Variants in CACNA1A observed in about 807,000 individuals in gnomAD.
CACNA1A encodes the protein voltage-dependent P/Q-type calcium channel subunit alpha-1A.
Under a neutral mutation model 262.4 loss-of-function variants are expected in CACNA1A, and 57 were observed. The ratio of observed to expected loss-of-function variants is 0.22; its 90% CI spans 0.18 to 0.27. CACNA1A has a LOEUF of 0.27. CACNA1A is among the 10% of genes least tolerant of loss of function. CACNA1A has a pLI of 1.00. For synonymous variants in CACNA1A, 1,431 were observed against 1,419.3 expected (o/e 1.01, Z -0.18); for missense variants, 2,526 against 3,562.8 (o/e 0.71, Z 7.41).
chr19:13,238,067 C>T (rs1395200713), intron 31 of CACNA1A, among the ~76,000 whole-genome samples: 2 of 152,078 alleles, frequency 1.3e-5, no homozygotes, highest in African/African-American at 4.8e-5. Context: ...GGAGGAGACA[C>T]ATGAGGCAGG....
At chr19:13,252,067 CTG>C (rs1439571011) in intron 30 of CACNA1A, among the ~76,000 whole-genome samples, 1 of 150,438 alleles carries the variant, frequency 6.6e-6, no homozygotes, top group East Asian at 2.0e-4. Flanking sequence ...TGCCTGACCT[CTG>C]TGTTTGTTTT....
chr19:13,345,735 G>A (rs1464612290), intron 6 of CACNA1A, among the ~76,000 whole-genome samples: 1 of 152,106 alleles, frequency 6.6e-6, no homozygotes, highest in Non-Finnish European at 1.5e-5. Context: ...AAAAGCTGAA[G>A]TCTGACAGTG....
At chr19:13,368,079 C>T (rs1306238439) in intron 4 of CACNA1A, among the ~76,000 whole-genome samples, 1 of 152,132 alleles carries the variant, frequency 6.6e-6, no homozygotes. Context: ...CTTTGGGAGG[C>T]TGAGGCGGGT....
chr19:13,485,787 A>G (rs1979899607), intron 1 of CACNA1A, among the ~76,000 whole-genome samples: 1 of 152,220 alleles, frequency 6.6e-6, no homozygotes, highest in Admixed American at 6.5e-5. Flanking sequence ...TAGCACAAGC[A>G]CTTTGGAAAA....
chr19:13,442,217 A>C lies in CACNA1A; in HGVS notation c.539+10659T>G, dbSNP rs138792716. Among the ~76,000 whole-genome samples the C allele has an allele frequency of 3.3e-5, 5 of 152,294 alleles. No individual in the cohort carries two copies. In the East Asian group the frequency reaches 9.7e-4, roughly 29 times the overall value. On this transcript the variant is annotated intron_variant, in intron 3 of 46. Transcript: ENST00000360228. ...CAAGTGAGGAATGAGGAAGAGAGAG[A>C]TTGGTAAAGGGTACACTAGTGAATG...
chr19:13,257,462 T>C lies in CACNA1A; in HGVS notation c.4478A>G (p.Tyr1493Cys), dbSNP rs2056601163. 6.2e-7 allele frequency: 1 copy of C among 1,613,582 alleles called. No individual in the cohort carries two copies. Among genetic ancestry groups the C allele is most frequent in the Non-Finnish European group, 8.5e-7 (1 of 1,179,690 alleles). The change falls in exon 28 of 47, where the codon TAC (tyrosine) becomes TGC (cysteine). Residue 1493 changes from tyrosine to cysteine, a missense_variant. Tyr to Cys is a radical substitution (Grantham distance 194). Around this residue, in one of 17 missense-constraint regions of CACNA1A, gnomAD observed 137 missense variants for 377.7 expected, o/e 0.36. Coordinates refer to ENST00000360228, the MANE Select transcript of CACNA1A (RefSeq NM_001127222.2). ...RMEMSIFYVV[Y>C]FVVFPFFFVN... Reference sequence around the variant, plus strand: ...AAAGAAGAAGGGGAACACCACAAAGTAGACGACGTAGAAAATGGACATCTC... The same window carrying C: ...AAAGAAGAAGGGGAACACCACAAAGCAGACGACGTAGAAAATGGACATCTC...
At chr19:13,473,486 G>A (rs1047539557) in intron 1 of CACNA1A, among the ~76,000 whole-genome samples, 1 of 152,190 alleles carries the variant, frequency 6.6e-6, no homozygotes, top group African/African-American at 2.4e-5. Context: ...CTTCAGAACT[G>A]GGTGACAATA....
chr19:13,422,193 C>T (rs2144788019), intron 3 of CACNA1A, among the ~76,000 whole-genome samples: 1 of 152,216 alleles, frequency 6.6e-6, no homozygotes, highest in African/African-American at 2.4e-5. Context: ...TAATGGCATG[C>T]ACCTGTGGGC....
At chr19:13,455,481 T>C (rs2060989676) in intron 1 of CACNA1A, among the ~76,000 whole-genome samples, 1 of 152,170 alleles carries the variant, frequency 6.6e-6, no homozygotes, top group Non-Finnish European at 1.5e-5. Context: ...ACCTGCTGTG[T>C]GCCAGACTCT....
intron 1 of CACNA1A, among the ~76,000 whole-genome samples, chr19:13,469,688 T>C (rs948228691): frequency 1.3e-5 from 2 of 150,396 alleles, no homozygotes; most frequent in Non-Finnish European, 3.0e-5. Flanking sequence ...CTCGATCGCC[T>C]GACCTTGTGA....
intron 3 of CACNA1A, among the ~76,000 whole-genome samples, chr19:13,416,769 C>T (rs567539514): frequency 7.2e-5 from 11 of 152,132 alleles, no homozygotes; most frequent in African/African-American, 1.2e-4. Flanking sequence ...GAGCTGAGAT[C>T]GCGCCACTGC....
intron 45 of CACNA1A, 114 bp from the exon 46 acceptor site, chr19:13,209,123 C>A (rs1178621808): frequency 1.4e-6 from 2 of 1,450,020 alleles, no homozygotes; most frequent in South Asian, 1.3e-5. Context: ...TCCCCTGAAC[C>A]GAGGCAGGTC....
intron 45 of CACNA1A, 131 bp from the exon 46 acceptor site, chr19:13,209,140 T>G: frequency 7.2e-7 from 1 of 1,393,500 alleles, no homozygotes; most frequent in Non-Finnish European, 9.7e-7. Context: ...GGTCAGTGGG[T>G]TGGGGGGAGG....
intron 1 of CACNA1A, among the ~76,000 whole-genome samples, chr19:13,466,634 C>T (rs1174497757): frequency 1.3e-5 from 2 of 151,162 alleles, no homozygotes; most frequent in African/African-American, 4.9e-5. Flanking sequence ...AGCCACCATG[C>T]CCATCCGAGA....
rs753193795 is a variant in CACNA1A at position 13,286,737 on chromosome 19, G to A, written c.3319C>T (p.Leu1107=). Reference sequence around the variant, plus strand: ...TTGGTGGCCATGGCAGGGATGGCCAGCATGGGGCCGGGGTCGGTGCTGTTT... The same window carrying A: ...TTGGTGGCCATGGCAGGGATGGCCAACATGGGGCCGGGGTCGGTGCTGTTT... ...MGNSTDPGPM[L]AIPAMATNPQ... The change falls in exon 20 of 47, where the codon CTG becomes TTG. Residue 1107 remains leucine, a synonymous_variant. Coordinates refer to ENST00000360228, the MANE Select transcript of CACNA1A (RefSeq NM_001127222.2). The A allele has an allele frequency of 1.2e-6, 2 of 1,602,710 alleles. No homozygotes were observed. Among genetic ancestry groups the A allele is most frequent in the Admixed American group, 3.4e-5 (2 of 59,406 alleles).
chr19:13,459,932 G>A (rs547272185), intron 1 of CACNA1A, among the ~76,000 whole-genome samples: 2 of 152,216 alleles, frequency 1.3e-5, no homozygotes, highest in African/African-American at 2.4e-5. Flanking sequence ...GGGCTCTCTG[G>A]GTATGGCAAT....
intron 1 of CACNA1A, among the ~76,000 whole-genome samples, chr19:13,496,200 C>T (rs909410895): frequency 1.3e-5 from 2 of 152,214 alleles, no homozygotes; most frequent in Non-Finnish European, 2.9e-5. Flanking sequence ...AAACAGGCCA[C>T]AAGTCAAAAA....
At position 13,230,093 on chromosome 19, in the gene CACNA1A, G is replaced by A. The variant is rs372083869; in HGVS notation, c.5517C>T (p.Asp1839=). The A allele has an allele frequency of 6.2e-7, 1 of 1,613,640 alleles. No homozygotes were observed. Among genetic ancestry groups the A allele is most frequent in the South Asian group, 1.1e-5 (1 of 91,058 alleles). The stretch of plus-strand genomic sequence containing the variant: ...GGGTGACTTCTTACCAAGCTGCGGG[G>A]TCATACTCGGCCCAGACACGCACGT... ...DEYVRVWAEY[D]PAAWGRMPYL... is the part of the protein sequence containing the mutation. Residue 1839 remains aspartate, a synonymous_variant, in exon 36 of 47, where the codon GAC becomes GAT. Coordinates refer to ENST00000360228, the MANE Select transcript of CACNA1A (RefSeq NM_001127222.2).
chr19:13,469,652 G>C (rs1339592753), intron 1 of CACNA1A, among the ~76,000 whole-genome samples: 1 of 148,392 alleles, frequency 6.7e-6, no homozygotes, highest in Non-Finnish European at 1.5e-5. Context: ...GTAGAGACAG[G>C]GTTTCACCGT....
Sources: allele counts gnomAD v4.1 joint callset (sites outside exome capture counted in the v4.1 genomes callset), GRCh38; gene constraint gnomAD v4.1.1; regional missense constraint gnomAD v4.1.1; transcripts MANE v1.5; gene names NCBI Gene and HGNC (gene_info 2026-07-23, HGNC 2026-07-21).